Variants in C12orf50 observed in about 807,000 individuals in gnomAD.
C12orf50 encodes zinc finger CCCH-type containing 11D.
Under a neutral mutation model 61.6 loss-of-function variants are expected in C12orf50, and 35 were observed. The observed-to-expected ratio is 0.57, with a 90% CI of 0.43 to 0.75. C12orf50 has a LOEUF of 0.75. Among genes scored for constraint, C12orf50 ranks in the 30% least tolerant of loss-of-function variants. The probability of loss-of-function intolerance (pLI) is 0.00; values close to 1 mark genes in which losing one functional copy is unlikely to be tolerated. For missense variants in C12orf50, 475 were observed against 488.5 expected (o/e 0.97, Z 0.26); for synonymous variants, 178 against 161.5 (o/e 1.10, Z -0.77).
At position 88,010,425 on chromosome 12, in the gene C12orf50, T is replaced by C. The variant is rs901315095; in HGVS notation, c.134-12235A>G. Among the ~76,000 whole-genome samples, 11 of 124,362 alleles carry C rather than the reference T, an allele frequency of 8.8e-5. 1 individual carries two copies. In the East Asian group the frequency reaches 1.8e-3, roughly 20 times the overall value. 81.6% of individuals were successfully genotyped at this position (124,362 alleles called of 152,430 possible). ...TATAATAAGATTATAAGATTAAAAT[T>C]ATTATAATCTTATAATAAGATTATA... On this transcript the variant is annotated intron_variant, in intron 3 of 12. Transcript: ENST00000298699.
chr12:87,992,249 C>T (rs1287236885), intron 7 of C12orf50, among the ~76,000 whole-genome samples: 1 of 152,038 alleles, frequency 6.6e-6, no homozygotes, highest in African/African-American at 2.4e-5. Context: ...AGATTATAAT[C>T]TGTGTGAGAT....
intron 6 of C12orf50, among the ~76,000 whole-genome samples, 155 bp downstream of exon 6, chr12:87,996,219 G>A (rs1841984039): frequency 6.6e-6 from 1 of 152,106 alleles, no homozygotes; most frequent in East Asian, 1.9e-4. Context: ...ATTAATAGCA[G>A]CTTTGGGTCA....
At chr12:88,000,416 A>G (rs1250888214) in intron 3 of C12orf50, among the ~76,000 whole-genome samples, 3 of 152,070 alleles carry the variant, frequency 2.0e-5, no homozygotes, top group African/African-American at 4.8e-5. Context: ...ATGCTAGTCC[A>G]TATAGTCTTG....
At chr12:87,991,253 T>C (rs1267103882) in intron 7 of C12orf50, among the ~76,000 whole-genome samples, 1 of 152,160 alleles carries the variant, frequency 6.6e-6, no homozygotes, top group Non-Finnish European at 1.5e-5. Context: ...ATACACTATG[T>C]AATTTTTATC....
At chr12:87,981,682 C>A (rs182146636) in intron 12 of C12orf50, among the ~76,000 whole-genome samples, 1 of 152,124 alleles carries the variant, frequency 6.6e-6, no homozygotes, top group East Asian at 1.9e-4. Flanking sequence ...CTTTTAATCC[C>A]AGCCAGAAGA....
intron 3 of C12orf50, among the ~76,000 whole-genome samples, chr12:88,025,912 G>A (rs1407934404): frequency 3.3e-5 from 5 of 152,164 alleles, no homozygotes; most frequent in Admixed American, 6.5e-5. Flanking sequence ...CCACTTCCCA[G>A]AACCAACTTT....
chr12:87,983,150 C>G lies in C12orf50; in HGVS notation c.1172G>C (p.Arg391Pro). 6.2e-7 allele frequency: 1 copy of G among 1,605,148 alleles called. No individual in the cohort carries two copies. The highest frequency in any genetic ancestry group is 8.5e-7 in the Non-Finnish European group (1 of 1,174,378). The change falls in exon 12 of 13, where the codon CGA becomes CCA. Residue 391 changes from arginine to proline, a missense_variant. Arg to Pro is a moderately radical substitution (Grantham distance 103). Transcript: ENST00000298699. ...TSYNDSAWRKRIPFSKTYSKS... is the reference protein window; with the variant it reads ...TSYNDSAWRKPIPFSKTYSKS... ...TGAATATGTTTTTGAAAAAGGAATT[C>G]GTTTTCGCCAGGCTGAATCATTATA...
At chr12:88,008,081 C>G (rs1451067995) in intron 3 of C12orf50, among the ~76,000 whole-genome samples, 1 of 150,940 alleles carries the variant, frequency 6.6e-6, no homozygotes, top group Non-Finnish European at 1.5e-5. Flanking sequence ...CTTTTCTTTT[C>G]AGTTCAGGGG....
At chr12:88,016,766 G>T (rs1036556720) in intron 3 of C12orf50, among the ~76,000 whole-genome samples, 1 of 152,156 alleles carries the variant, frequency 6.6e-6, no homozygotes, top group Non-Finnish European at 1.5e-5. Flanking sequence ...TGCTCTTATG[G>T]TACTTTCATT....
chr12:88,019,520 C>T (rs1369138335), intron 3 of C12orf50, among the ~76,000 whole-genome samples: 1 of 151,862 alleles, frequency 6.6e-6, no homozygotes, highest in Non-Finnish European at 1.5e-5. Flanking sequence ...CTTCAGAGAG[C>T]TAACAGGGCA....
rs112972992 is a variant in C12orf50, at chr12:87,993,667, C to T, written c.592+966G>A. On this transcript the variant is annotated intron_variant, in intron 7 of 12. Coordinates refer to ENST00000298699, the MANE Select transcript of C12orf50 (RefSeq NM_152589.3). ...TATGCCTAAGAGATACTGGTACTTA[C>T]TGATACCTGCTCTCAACCTCCTTCC... is the stretch of plus-strand genomic sequence containing the variant. Among the ~76,000 whole-genome samples, 11 of 152,280 alleles carry T rather than the reference C, an allele frequency of 7.2e-5. 1 individual carries two copies. The highest frequency in any genetic ancestry group is 2.6e-4 in the African/African-American group (11 of 41,570).
At position 87,983,186 on chromosome 12, in the gene C12orf50, G is replaced by A. The variant is rs189840625; in HGVS notation, c.1136C>T (p.Thr379Met). The change falls in exon 12 of 13, where the codon ACG becomes ATG. Residue 379 changes from threonine (T) to methionine (M), a missense_variant. Coordinates refer to ENST00000298699, the MANE Select transcript of C12orf50 (RefSeq NM_152589.3). ...PKPNLSPDKY[T>M]STSYNDSAWR... ...GGCTGAATCATTATATGATGTTGACGTATATTTGTCTGAGGGAAAAAAATC... is the reference window on the plus strand; with the variant it reads ...GGCTGAATCATTATATGATGTTGACATATATTTGTCTGAGGGAAAAAAATC... The A allele has an allele frequency of 1.0e-5, 16 of 1,588,642 alleles. No individual in the cohort carries two copies. The highest frequency in any genetic ancestry group is 4.1e-5 in the African/African-American group (3 of 74,006).
rs1428227231 is a variant in C12orf50, at chr12:87,980,507, A to G, written c.1220-151T>C. The stretch of plus-strand genomic sequence containing the variant: ...CTTATAAATTTTCAAAATGCCATTC[A>G]AATAGTCCACTTCTTTTTGATTCTT... On this transcript the variant is annotated intron_variant, in intron 12 of 12. Coordinates refer to ENST00000298699, the MANE Select transcript of C12orf50 (RefSeq NM_152589.3). 4 of 693,620 alleles carry G rather than the reference A, an allele frequency of 5.8e-6. No homozygotes were observed. In the African/African-American group the frequency reaches 7.3e-5, roughly 13 times the overall value. 43.0% of individuals were successfully genotyped at this position (693,620 alleles called of 1,614,324 possible).
chr12:88,015,721 A>T (rs7137179), intron 3 of C12orf50, among the ~76,000 whole-genome samples: 9,166 of 152,272 alleles, frequency 0.06, 970 homozygotes, highest in African/African-American at 0.21. Context: ...ATATTAACAG[A>T]ATTATGTTTT....
chr12:87,987,255 C>G (rs1399586343), intron 9 of C12orf50, among the ~76,000 whole-genome samples: 1 of 152,118 alleles, frequency 6.6e-6, no homozygotes, highest in African/African-American at 2.4e-5. Flanking sequence ...ACATCATGCC[C>G]CTGATCCACT....
chr12:87,983,878 T>G lies in C12orf50; in HGVS notation c.1127-683A>C, dbSNP rs1236033883. On this transcript the variant is annotated intron_variant, in intron 11 of 12. Coordinates refer to ENST00000298699, the MANE Select transcript of C12orf50 (RefSeq NM_152589.3). Reference sequence around the variant, plus strand: ...GTGTGCATGTGTCTTTATAACAGCATGATTTATAGTCCTTTGGTATATACC... The same window carrying G: ...GTGTGCATGTGTCTTTATAACAGCAGGATTTATAGTCCTTTGGTATATACC... The G allele has an allele frequency of 1.9e-5, 2 of 106,190 alleles. 1 individual carries two copies. Among genetic ancestry groups the G allele is most frequent in the Non-Finnish European group, 4.9e-5 (2 of 41,232 alleles). The allele number at this position is 106,190 out of a possible 1,614,324, so 6.6% of individuals were successfully genotyped here. A position where few individuals can be genotyped will look rare whatever the true frequency, so the allele number is the denominator to read the frequency against.
chr12:88,004,430 T>C (rs949346721), intron 3 of C12orf50, among the ~76,000 whole-genome samples: 1 of 152,174 alleles, frequency 6.6e-6, no homozygotes, highest in African/African-American at 2.4e-5. Flanking sequence ...AAAAAAGGAA[T>C]GCTTATACAC....
intron 3 of C12orf50, among the ~76,000 whole-genome samples, chr12:88,013,630 C>A (rs894747636): frequency 4.6e-5 from 7 of 152,064 alleles, no homozygotes; most frequent in African/African-American, 1.2e-4. Context: ...ACCTTATATG[C>A]AGATATGTAA....
intron 3 of C12orf50, 138 bp downstream of exon 3, chr12:88,026,350 G>T: frequency 1.1e-6 from 1 of 938,136 alleles, no homozygotes; most frequent in Non-Finnish European, 1.5e-6. Context: ...GTCTCATGTA[G>T]AATCATTCCA....
Sources: allele counts gnomAD v4.1 joint callset (sites outside exome capture counted in the v4.1 genomes callset), GRCh38; gene constraint gnomAD v4.1.1; transcripts MANE v1.5; gene names NCBI Gene and HGNC (gene_info 2026-07-23, HGNC 2026-07-21).